NTM: variants seen among roughly 807,000 people sequenced by gnomAD.
The protein encoded by NTM is IgLON family member 2.
In NTM, 13 loss-of-function variants were observed where a neutral mutation model predicts 42.1. That is an observed-to-expected ratio of 0.31 (90% CI 0.20 to 0.49). NTM has a LOEUF of 0.49. Ranked by LOEUF, NTM falls within the 20% of genes least tolerant of loss-of-function variation. The pLI, the probability that NTM is intolerant of heterozygous loss-of-function variation, is 0.99. For missense variants in NTM, 373 were observed against 452.8 expected (o/e 0.82, Z 1.60); for synonymous variants, 187 against 179.2 (o/e 1.04, Z -0.35).
chr11:132,058,250 T>C (rs1052386293), intron 2 of NTM, among the ~76,000 whole-genome samples: 3 of 152,112 alleles, frequency 2.0e-5, no homozygotes, highest in African/African-American at 7.2e-5. Context: ...ATGGAGGAAG[T>C]GGGCGGGAGG....
chr11:131,933,883 G>C (rs955000730), intron 2 of NTM, among the ~76,000 whole-genome samples: 1 of 151,748 alleles, frequency 6.6e-6, no homozygotes, highest in Admixed American at 6.6e-5. Flanking sequence ...TTTTTTTCTG[G>C]GGGGGGATGT....
Position 131,934,229 on chromosome 11 carries a change from T to C in NTM, c.167+22581T>C, listed in dbSNP as rs561246870. On this transcript the variant is annotated intron_variant, in intron 2 of 8. Transcript: ENST00000683400. ...TTTTCCTGGTGAATGAGAAGGCTCT[T>C]TATTGTATTGTGGTAACCCATTGAG... is the stretch of plus-strand genomic sequence containing the variant. Among the ~76,000 whole-genome samples the C allele has an allele frequency of 4.7e-4, 72 of 152,322 alleles. No homozygotes were observed. In the South Asian group the frequency reaches 9.5e-3, roughly 20 times the overall value.
intron 6 of NTM, among the ~76,000 whole-genome samples, chr11:132,313,676 C>T (rs2095343940): frequency 2.0e-5 from 3 of 152,156 alleles, no homozygotes; most frequent in Non-Finnish European, 4.4e-5. Flanking sequence ...AGAAGGAGGA[C>T]ATGTGCCTAC....
intron 2 of NTM, among the ~76,000 whole-genome samples, chr11:132,046,239 T>C (rs370962775): frequency 6.6e-5 from 10 of 152,306 alleles, no homozygotes; most frequent in African/African-American, 2.2e-4. Context: ...ATGCTGACAG[T>C]TCATGCTATT....
At chr11:131,936,011 T>TTATATATATATATATATA (rs559967974) in intron 2 of NTM, among the ~76,000 whole-genome samples, 177 of 151,944 alleles carry the variant, frequency 1.2e-3, no homozygotes, top group African/African-American at 4.0e-3. Context: ...CATGGAAATT[T>TTATATATATATATATATA]TATATATATA....
At position 131,720,779 on chromosome 11, in the gene NTM, G is replaced by A. The variant is rs61223029; in HGVS notation, c.83-190785G>A. The stretch of plus-strand genomic sequence containing the variant: ...AACAGGCTGCATAAGTTCTCATTCC[G>A]TCTCTACCACTTACTATCTGTAAGA... On this transcript the variant is annotated intron_variant, in intron 1 of 8. Coordinates refer to ENST00000683400, the MANE Select transcript of NTM (RefSeq NM_001352005.2). Among the ~76,000 whole-genome samples, 1,353 of 152,198 alleles carry A rather than the reference G, an allele frequency of 8.9e-3. 24 individuals carry two copies. Among genetic ancestry groups the A allele is most frequent in the African/African-American group, 0.03 (1,266 of 41,532 alleles).
intron 2 of NTM, among the ~76,000 whole-genome samples, chr11:132,128,669 C>G: frequency 6.6e-6 from 1 of 151,652 alleles, no homozygotes; most frequent in East Asian, 1.9e-4. Context: ...AATCCCAGCA[C>G]TTTGGGAGGC....
chr11:131,709,169 A>T (rs2076870659), intron 1 of NTM, among the ~76,000 whole-genome samples: 1 of 152,046 alleles, frequency 6.6e-6, no homozygotes, highest in East Asian at 1.9e-4. Flanking sequence ...GGATAATAAG[A>T]GTAAGGTGGG....
At chr11:132,030,813 A>G (rs1003204529) in intron 2 of NTM, among the ~76,000 whole-genome samples, 1 of 152,234 alleles carries the variant, frequency 6.6e-6, no homozygotes, top group Admixed American at 6.5e-5. Flanking sequence ...GGGAAGCTAG[A>G]TCACTGAATT....
At chr11:131,886,226 C>A (rs1273464734) in intron 1 of NTM, among the ~76,000 whole-genome samples, 1 of 152,154 alleles carries the variant, frequency 6.6e-6, no homozygotes, top group African/African-American at 2.4e-5. Context: ...TGCCATGCAT[C>A]TGTTTGTAAT....
intron 1 of NTM, among the ~76,000 whole-genome samples, chr11:131,493,701 A>T (rs1298035477): frequency 1.3e-5 from 2 of 152,342 alleles, no homozygotes; most frequent in East Asian, 3.9e-4. Flanking sequence ...ACATTAAGTG[A>T]CTTTTCCAAA....
chr11:131,374,487 C>T (rs1323572816), intron 1 of NTM, among the ~76,000 whole-genome samples: 1 of 152,206 alleles, frequency 6.6e-6, no homozygotes, highest in Admixed American at 6.5e-5. Context: ...CAGATCTCGT[C>T]TTATCAGCTG....
At chr11:131,810,156 T>G (rs1348838826) in intron 1 of NTM, among the ~76,000 whole-genome samples, 1 of 152,152 alleles carries the variant, frequency 6.6e-6, no homozygotes, top group Admixed American at 6.5e-5. Flanking sequence ...TCTCCTTTGT[T>G]CTACTCCTGT....
chr11:131,727,452 G>C (rs534225753), intron 1 of NTM, among the ~76,000 whole-genome samples: 2 of 152,162 alleles, frequency 1.3e-5, no homozygotes, highest in African/African-American at 4.8e-5. Context: ...TTAAAAGGGA[G>C]CCTGCTTGTG....
chr11:131,401,799 A>AATATAT (rs61167647), intron 1 of NTM, among the ~76,000 whole-genome samples: 20 of 34,986 alleles, frequency 5.7e-4, no homozygotes, highest in Non-Finnish European at 8.7e-4. Flanking sequence ...GGCCACTGGA[A>AATATAT]ATATATATAT....
chr11:131,578,417 A>G (rs1488004565), intron 1 of NTM, among the ~76,000 whole-genome samples: 1 of 152,208 alleles, frequency 6.6e-6, no homozygotes, highest in Non-Finnish European at 1.5e-5. Flanking sequence ...GGGATAGAGA[A>G]AAAAGGCCAG....
intron 2 of NTM, among the ~76,000 whole-genome samples, chr11:132,031,500 C>T (rs904749753): frequency 2.1e-4 from 32 of 151,884 alleles, no homozygotes; most frequent in Non-Finnish European, 8.8e-5. Flanking sequence ...GGTAGAGTTT[C>T]GAGAATTGGT....
At chr11:131,795,748 A>C in intron 1 of NTM, 2 of 985,314 alleles carry the variant, frequency 2.0e-6, no homozygotes, top group Non-Finnish European at 2.4e-6. Flanking sequence ...GTAGTGGTTC[A>C]GGTCATGATA....
rs192938121 is a variant in NTM, at chr11:131,583,041, G to A, written c.82+212153G>A. On this transcript the variant is annotated intron_variant, in intron 1 of 8. Coordinates refer to ENST00000683400, the MANE Select transcript of NTM (RefSeq NM_001352005.2). Reference sequence around the variant, plus strand: ...TCTAGATGTTCCTCTTTTCACACACGGGTAGCGTCTCCCTGGCTCTCTTTG... The same window carrying A: ...TCTAGATGTTCCTCTTTTCACACACAGGTAGCGTCTCCCTGGCTCTCTTTG... Among the ~76,000 whole-genome samples the A allele has an allele frequency of 4.9e-4, 74 of 152,262 alleles. 3 individuals carry two copies. The East Asian group carries it at 0.014, about 28-fold the overall frequency.
Sources: gnomAD v4.1 joint callset for allele counts (sites outside exome capture counted in the v4.1 genomes callset) on GRCh38, gnomAD v4.1.1 for gene constraint, MANE v1.5 for transcripts, NCBI Gene and HGNC (gene_info 2026-07-23, HGNC 2026-07-21) for gene names.